ATP2B1: variants seen among roughly 807,000 people sequenced by gnomAD.
ATP2B1 encodes plasma membrane calcium-transporting ATPase 1.
In ATP2B1, 14 loss-of-function variants were observed where a neutral mutation model predicts 124.2. The observed-to-expected ratio is 0.11, with a 90% confidence interval of 0.07 to 0.18. ATP2B1 has a LOEUF of 0.18. Ranked by LOEUF, ATP2B1 falls within the 10% of genes least tolerant of loss-of-function variation. ATP2B1 has a pLI of 1.00. For synonymous variants in ATP2B1, 449 were observed against 492.4 expected (o/e 0.91, Z 1.17); for missense variants, 763 against 1,466.1 (o/e 0.52, Z 7.83).
chr12:89,669,983 A>G (rs1887746859), intron 1 of ATP2B1, among the ~76,000 whole-genome samples: 1 of 152,242 alleles, frequency 6.6e-6, no homozygotes, highest in Admixed American at 6.5e-5. Context: ...CTTTAAGAAG[A>G]AAAGGAGAGT....
intron 1 of ATP2B1, among the ~76,000 whole-genome samples, chr12:89,696,861 G>A (rs1891193390): frequency 6.6e-6 from 1 of 152,152 alleles, no homozygotes; most frequent in Non-Finnish European, 1.5e-5. Context: ...AACAGTACCA[G>A]CAGGTAGAAG....
Position 89,646,396 on chromosome 12 carries a change from C to T in ATP2B1, c.209-4041G>A, listed in dbSNP as rs373980599. Among the ~76,000 whole-genome samples the T allele has an allele frequency of 3.0e-4, 46 of 152,212 alleles. 1 individual carries two copies. The highest frequency in any genetic ancestry group is 1.0e-3 in the African/African-American group (43 of 41,512). ...CAAGAAGGGAGCTAGGCTGAGGCTA[C>T]AGCGTTGGAGCACCCAACACTGATG... On this transcript the variant is annotated intron_variant, in intron 2 of 20. Coordinates refer to ENST00000428670, the MANE Select transcript of ATP2B1 (RefSeq NM_001366521.1).
At chr12:89,647,617 TG>T (rs931792116) in intron 2 of ATP2B1, among the ~76,000 whole-genome samples, 1 of 152,204 alleles carries the variant, frequency 6.6e-6, no homozygotes, top group African/African-American at 2.4e-5. Flanking sequence ...CTAGAAATTT[TG>T]TATTTGTGTA....
chr12:89,689,399 A>T (rs994684937), intron 1 of ATP2B1, among the ~76,000 whole-genome samples: 2 of 152,130 alleles, frequency 1.3e-5, no homozygotes, highest in East Asian at 3.8e-4. Context: ...TAAAATTTAA[A>T]CTTTCTTTGA....
At chr12:89,706,330 T>C (rs909446580) in intron 1 of ATP2B1, among the ~76,000 whole-genome samples, 2 of 151,704 alleles carry the variant, frequency 1.3e-5, no homozygotes, top group Non-Finnish European at 2.9e-5. Context: ...AGAATTACTA[T>C]ATCTGATCCT....
chr12:89,629,320 TAA>T (rs879408855), intron 6 of ATP2B1, among the ~76,000 whole-genome samples: 4 of 152,308 alleles, frequency 2.6e-5, no homozygotes, highest in Admixed American at 6.5e-5. Context: ...AAAAAAATAA[TAA>T]GTCTTTACTT....
At chr12:89,591,433 C>T (rs1341783819) in intron 20 of ATP2B1, 138 bp from the exon 21 acceptor site, 1 of 695,572 alleles carries the variant, frequency 1.4e-6, no homozygotes, top group East Asian at 2.7e-5. Context: ...ACTTGCAATA[C>T]ACTGTAAAAA....
chr12:89,669,716 ATAAT>A (rs1219093480), intron 1 of ATP2B1, among the ~76,000 whole-genome samples: 4 of 152,238 alleles, frequency 2.6e-5, no homozygotes, highest in Admixed American at 6.5e-5. Context: ...AACTATGGTG[ATAAT>A]TAATAGTAAT....
chr12:89,640,769 T>C (rs1883381833), intron 3 of ATP2B1, among the ~76,000 whole-genome samples: 1 of 151,746 alleles, frequency 6.6e-6, no homozygotes, highest in African/African-American at 2.4e-5. Context: ...CAAGAGCAGG[T>C]CCTTGAAAAA....
Position 89,588,311 on chromosome 12 carries a change from A to G in ATP2B1, c.*2673T>C, listed in dbSNP as rs550755291. 19 of 152,630 alleles carry G rather than the reference A, an allele frequency of 1.2e-4. No individual in the cohort carries two copies. The highest frequency in any genetic ancestry group is 2.5e-4 in the Non-Finnish European group (17 of 68,006). 9.5% of individuals were successfully genotyped at this position (152,630 alleles called of 1,614,324 possible). A position where few individuals can be genotyped will look rare whatever the true frequency, so the allele number is the denominator to read the frequency against. ...ACTGACATCTGTTATGAAAATTACCATATCACATATTTGTAAGATGACAAG... is the reference window on the plus strand; with the variant it reads ...ACTGACATCTGTTATGAAAATTACCGTATCACATATTTGTAAGATGACAAG... On this transcript the variant is annotated 3_prime_UTR_variant, in exon 21 of 21. Transcript: ENST00000428670.
chr12:89,668,890 A>G (rs1467031016), intron 1 of ATP2B1, among the ~76,000 whole-genome samples: 1 of 152,168 alleles, frequency 6.6e-6, no homozygotes, highest in Admixed American at 6.5e-5. Context: ...CTGTCATACT[A>G]AAGAGTTTTC....
chr12:89,630,102 C>T (rs1381784622), intron 6 of ATP2B1, among the ~76,000 whole-genome samples: 1 of 152,092 alleles, frequency 6.6e-6, no homozygotes, highest in African/African-American at 2.4e-5. Flanking sequence ...AAAAACCAAG[C>T]ACATTAAGTA....
chr12:89,627,757 T>C, intron 6 of ATP2B1, 41 bp from the exon 7 acceptor site: 1 of 1,587,544 alleles, frequency 6.3e-7, no homozygotes, highest in Non-Finnish European at 8.6e-7. Context: ...CCAAAAGAAA[T>C]GAATACAGCC....
In ATP2B1 at chr12:89,603,312, G is replaced by A. The variant is rs1876232537; in HGVS notation, c.2849-58C>T. The stretch of plus-strand genomic sequence containing the variant: ...ATCATACCAAATTAGATTTCAAGGA[G>A]GTATACAAATTACAACTTAGCTAGA... On this transcript the variant is annotated intron_variant, in intron 17 of 20. Transcript: ENST00000428670. This position sits in a 1 kb window ranked among gnomAD's most constrained non-coding sequence, Gnocchi z 4.3. 7.2e-7 allele frequency: 1 copy of A among 1,382,826 alleles called. No individual in the cohort carries two copies. 85.7% of individuals were successfully genotyped at this position (1,382,826 alleles called of 1,614,324 possible).
At chr12:89,659,896 C>T (rs1306770713) in intron 1 of ATP2B1, among the ~76,000 whole-genome samples, 3 of 137,588 alleles carry the variant, frequency 2.2e-5, no homozygotes, top group Non-Finnish European at 4.6e-5. Context: ...GCACTGCAGC[C>T]TGGGGACAAA....
chr12:89,603,671 G>A lies in ATP2B1; in HGVS notation c.2848+41C>T. On this transcript the variant is annotated intron_variant, in intron 17 of 20. Coordinates refer to ENST00000428670, the MANE Select transcript of ATP2B1 (RefSeq NM_001366521.1). This position sits in a 1 kb window ranked among gnomAD's most constrained non-coding sequence, Gnocchi z 4.3. ...CATCTTGGATGATTAGCTTGGAAAA[G>A]AAACAATTAACTGAAGCTTTATTAG... is the stretch of plus-strand genomic sequence containing the variant. The A allele has an allele frequency of 6.3e-7, 1 of 1,579,770 alleles. No homozygotes were observed. Among genetic ancestry groups the A allele is most frequent in the Non-Finnish European group, 8.7e-7 (1 of 1,150,184 alleles).
In ATP2B1 at chr12:89,603,958, C is replaced by A. The variant is rs372131719; in HGVS notation, c.2635-33G>T. 7 of 1,599,782 alleles carry A rather than the reference C, an allele frequency of 4.4e-6. No individual in the cohort carries two copies. The highest frequency in any genetic ancestry group is 6.0e-6 in the Non-Finnish European group (7 of 1,169,696). On this transcript the variant is annotated intron_variant, in intron 16 of 20. Coordinates refer to ENST00000428670, the MANE Select transcript of ATP2B1 (RefSeq NM_001366521.1). This position sits in a 1 kb window ranked among gnomAD's most constrained non-coding sequence, Gnocchi z 4.3. ...AGATATGTTTCCTAATAGACATTCA[C>A]AACTACTCAGGGGCTCAGCAATTCT...
intron 5 of ATP2B1, 36 bp downstream of exon 5, chr12:89,634,742 G>A (rs1565848922): frequency 6.5e-7 from 1 of 1,535,244 alleles, no homozygotes; most frequent in East Asian, 2.3e-5. Flanking sequence ...AGTTGCGAAA[G>A]AGGAAAGTGT....
intron 20 of ATP2B1, chr12:89,598,674 C>A (rs1234909027): frequency 6.2e-7 from 1 of 1,613,838 alleles, no homozygotes; most frequent in African/African-American, 1.3e-5. Flanking sequence ...TGCTGGCTGG[C>A]GATGGAGGGT....
Sources: gnomAD v4.1 joint callset for allele counts (sites outside exome capture counted in the v4.1 genomes callset) on GRCh38, gnomAD v4.1.1 for gene constraint, Gnocchi (gnomAD v3.1) non-coding constraint, MANE v1.5 for transcripts, NCBI Gene and HGNC (gene_info 2026-07-23, HGNC 2026-07-21) for gene names.